IRAK3: variants seen among roughly 807,000 people sequenced by gnomAD.
IRAK3 encodes the protein interleukin 1 receptor associated kinase 3.
Under a neutral mutation model 56.6 loss-of-function variants are expected in IRAK3, and 57 were observed. The ratio of observed to expected loss-of-function variants is 1.01; its 90% CI spans 0.81 to 1.26. IRAK3 has a LOEUF of 1.26. Among genes scored for constraint, IRAK3 ranks in the 50% most tolerant of loss-of-function variants. IRAK3 has a pLI of 0.00. For missense variants in IRAK3, 703 were observed against 719.0 expected (o/e 0.98, Z 0.25); for synonymous variants, 258 against 255.7 (o/e 1.01, Z -0.09).
intron 1 of IRAK3, chr12:66,196,969 G>A (rs1041374701): frequency 5.2e-6 from 8 of 1,534,436 alleles, no homozygotes; most frequent in Admixed American, 2.0e-5. Context: ...TTCCAAATAC[G>A]GATGTGTTGC....
chr12:66,226,237 A>C (rs921396476), intron 6 of IRAK3, among the ~76,000 whole-genome samples: 1 of 151,590 alleles, frequency 6.6e-6, no homozygotes, highest in African/African-American at 2.4e-5. Context: ...TATTTGTTAG[A>C]ATTTTTTTTT....
chr12:66,209,522 T>G lies in IRAK3; in HGVS notation c.381+2T>G, dbSNP rs2052591911. 1.9e-6 allele frequency: 3 copies of G among 1,546,476 alleles called. No individual in the cohort carries two copies. The highest frequency in any genetic ancestry group is 3.4e-4 in the Middle Eastern group (2 of 5,948). On this transcript the variant is annotated splice_donor_variant, in intron 3 of 11. Coordinates refer to ENST00000261233, the MANE Select transcript of IRAK3 (RefSeq NM_007199.3). LOFTEE classifies it high-confidence loss of function. ...GGATTTCCAAATATATTATTCAAGG[T>G]AGAGTATGTGTGCATAGAAAATGAG...
rs200319498 is a variant in IRAK3, at chr12:66,245,218, C to T, written c.1270C>T (p.Arg424Trp). 7.4e-5 allele frequency: 120 copies of T among 1,614,060 alleles called. No individual in the cohort carries two copies. In the East Asian group the frequency reaches 9.4e-4, roughly 13 times the overall value. The change falls in exon 11 of 12, where the codon CGG (arginine) becomes TGG (tryptophan). Residue 424 changes from arginine to tryptophan, a missense_variant. Physicochemically the swap from Arg to Trp is moderately radical, Grantham distance 101. Transcript: ENST00000261233. ...TGCCAAGCTCTTCTGTTTGGCAGGC[C>T]GGTGTGCTGCAACGCGGGCAAAGTT... Reference protein sequence around the residue: ...FSAKLFCLAGRCAATRAKLRP... With the variant: ...FSAKLFCLAGWCAATRAKLRP...
chr12:66,195,248 C>T (rs2052439676), intron 1 of IRAK3, among the ~76,000 whole-genome samples: 1 of 152,194 alleles, frequency 6.6e-6, no homozygotes, highest in African/African-American at 2.4e-5. Context: ...AATAATCTGA[C>T]CATTTCTTAC....
chr12:66,241,862 G>A (rs1163055189), intron 8 of IRAK3, among the ~76,000 whole-genome samples: 1 of 152,196 alleles, frequency 6.6e-6, no homozygotes, highest in East Asian at 1.9e-4. Context: ...CACAGAAGCT[G>A]ACTCACCATT....
Position 66,211,543 on chromosome 12 carries a change from G to A in IRAK3, c.534G>A (p.Glu178=), listed in dbSNP as rs2052611962. Residue 178 remains glutamate, a synonymous_variant, in exon 5 of 12, where the codon GAG becomes GAA. Coordinates refer to ENST00000261233, the MANE Select transcript of IRAK3 (RefSeq NM_007199.3). ...TAATTGGAGAAGGAGAGATTTTTGA[G>A]GTATACAGAGTGGAGATTCAAAACC... is the stretch of plus-strand genomic sequence containing the variant. ...DFLIGEGEIF[E]VYRVEIQNLT... is the part of the protein sequence containing the mutation. The A allele has an allele frequency of 3.7e-6, 6 of 1,611,278 alleles. No individual in the cohort carries two copies. Among genetic ancestry groups the A allele is most frequent in the South Asian group, 2.2e-5 (2 of 91,010 alleles).
rs1197122970 is a variant in IRAK3, at chr12:66,233,012, T to TTATTAA, written c.887+4646_887+4647insAATATT. 2.2e-3 allele frequency among the ~76,000 whole-genome samples: 332 copies of TTATTAA among 151,406 alleles called. 2 individuals carry two copies. The highest frequency in any genetic ancestry group is 7.8e-3 in the African/African-American group (323 of 41,376). On this transcript the variant is annotated intron_variant, in intron 8 of 11. Coordinates refer to ENST00000261233, the MANE Select transcript of IRAK3 (RefSeq NM_007199.3). ...GATATTATTATTATTATTATTATTA[T>TTATTAA]TATTTTTAAAAAGCCAAAATTTCAG...
At position 66,211,443 on chromosome 12, in the gene IRAK3, A is replaced by G; in HGVS notation, c.437-3A>G. 1.3e-6 allele frequency: 2 copies of G among 1,585,436 alleles called. No homozygotes were observed. On this transcript the variant is annotated splice_region_variant and splice_polypyrimidine_tract_variant and intron_variant, in intron 4 of 11. Coordinates refer to ENST00000261233, the MANE Select transcript of IRAK3 (RefSeq NM_007199.3). ...TTATCTTCCCCCTACTTTCCTTCCT[A>G]AGGAATACTGCTTAAATCTTCCATC... is the stretch of plus-strand genomic sequence containing the variant.
chr12:66,238,170 A>T (rs1716389541), intron 8 of IRAK3, among the ~76,000 whole-genome samples: 1 of 152,170 alleles, frequency 6.6e-6, no homozygotes, highest in South Asian at 2.1e-4. Context: ...AGATGAGGGG[A>T]ACAGAATGGG....
intron 2 of IRAK3, among the ~76,000 whole-genome samples, chr12:66,205,516 T>C (rs2052550560): frequency 6.6e-6 from 1 of 152,312 alleles, no homozygotes; most frequent in South Asian, 2.1e-4. Flanking sequence ...ATGTAGTTGT[T>C]AAAAGTGAGA....
At chr12:66,240,715 C>G (rs1158559994) in intron 8 of IRAK3, among the ~76,000 whole-genome samples, 1 of 151,802 alleles carries the variant, frequency 6.6e-6, no homozygotes, top group Non-Finnish European at 1.5e-5. Flanking sequence ...GCTCCCTGCC[C>G]CCTCTTCCCC....
chr12:66,189,838 G>A (rs898023919), intron 1 of IRAK3, among the ~76,000 whole-genome samples: 2 of 152,060 alleles, frequency 1.3e-5, no homozygotes, highest in Non-Finnish European at 2.9e-5. Context: ...CTTATCCTTT[G>A]GTGTTTTCAA....
chr12:66,221,084 C>G (rs1369634163), intron 6 of IRAK3, among the ~76,000 whole-genome samples: 2 of 152,100 alleles, frequency 1.3e-5, no homozygotes, highest in Non-Finnish European at 2.9e-5. Context: ...AAATTTTCAC[C>G]TCCTTGGTTA....
In IRAK3 at chr12:66,248,225, G is replaced by C; in HGVS notation, c.*54G>C. 1 of 1,305,072 alleles carries C rather than the reference G, an allele frequency of 7.7e-7. No individual in the cohort carries two copies. The highest frequency in any genetic ancestry group is 1.2e-5 in the South Asian group (1 of 83,424). 80.8% of individuals were successfully genotyped at this position (1,305,072 alleles called of 1,614,324 possible). A position where few individuals can be genotyped will look rare whatever the true frequency, so the allele number is the denominator to read the frequency against. On this transcript the variant is annotated 3_prime_UTR_variant, in exon 12 of 12. Coordinates refer to ENST00000261233, the MANE Select transcript of IRAK3 (RefSeq NM_007199.3). ...AGTATTGCATAGGCACCTGAGCATA[G>C]GTATGACCTTGGGAAGACATTGGCT...
chr12:66,220,584 G>A (rs2052722182), intron 6 of IRAK3, among the ~76,000 whole-genome samples: 1 of 137,560 alleles, frequency 7.3e-6, no homozygotes, highest in South Asian at 2.4e-4. Context: ...GCAGTGGCGG[G>A]ATCTCGGCTC....
In IRAK3 at chr12:66,235,028, A is replaced by T. The variant is rs1592598543; in HGVS notation, c.887+6658A>T. 36 of 1,613,260 alleles carry T rather than the reference A, an allele frequency of 2.2e-5. No individual in the cohort carries two copies. In the East Asian group the frequency reaches 7.6e-4, roughly 34 times the overall value. ...CTTATGCAAAATTGCGTTTGTGGAG[A>T]CTATTTTCCCATATGGTTGACAGAG... On this transcript the variant is annotated intron_variant, in intron 8 of 11. Transcript: ENST00000261233.
chr12:66,213,881 T>G (rs1277317329), intron 5 of IRAK3, among the ~76,000 whole-genome samples: 1 of 151,934 alleles, frequency 6.6e-6, no homozygotes, highest in Non-Finnish European at 1.5e-5. Flanking sequence ...CAGTAAACAG[T>G]TCTCAAAAAC....
chr12:66,249,275 T>C lies in IRAK3; in HGVS notation c.*1104T>C, dbSNP rs1489355296. 1 of 152,214 alleles carries C rather than the reference T, an allele frequency of 6.6e-6. No homozygotes were observed. Among genetic ancestry groups the C allele is most frequent in the Admixed American group, 6.5e-5 (1 of 15,272 alleles). The allele number at this position is 152,214 out of a possible 1,614,324, so 9.4% of individuals were successfully genotyped here. ...GCCTCCCGGGTTCACGCCATTCTCC[T>C]GCCTCAGCCTCCCGAGTAAAGGTGG... is the stretch of plus-strand genomic sequence containing the variant. On this transcript the variant is annotated 3_prime_UTR_variant, in exon 12 of 12. Transcript: ENST00000261233.
intron 2 of IRAK3, among the ~76,000 whole-genome samples, chr12:66,207,811 C>G (rs1196349438): frequency 1.3e-5 from 2 of 151,970 alleles, no homozygotes; most frequent in Non-Finnish European, 2.9e-5. Context: ...TGTTTAATTT[C>G]CAGATACTTG....
Sources: gnomAD v4.1 joint callset for allele counts (sites outside exome capture counted in the v4.1 genomes callset) on GRCh38, gnomAD v4.1.1 for gene constraint, MANE v1.5 for transcripts, NCBI Gene and HGNC (gene_info 2026-07-23, HGNC 2026-07-21) for gene names.